Variants in DNER observed in about 807,000 individuals in gnomAD.
DNER encodes delta/notch like EGF repeat containing.
DNER carries 33 observed loss-of-function variants against 78.2 expected under a neutral mutation model. The observed-to-expected ratio is 0.42, with a 90% confidence interval of 0.32 to 0.56. DNER has a LOEUF of 0.56. DNER is among the 20% of genes least tolerant of loss of function. The pLI, the probability that DNER is intolerant of heterozygous loss-of-function variation, is 0.11. For missense variants in DNER, 918 were observed against 975.3 expected (o/e 0.94, Z 0.78); for synonymous variants, 417 against 384.8 (o/e 1.08, Z -0.98).
intron 7 of DNER, among the ~76,000 whole-genome samples, chr2:229,450,295 C>T (rs1466606469): frequency 6.6e-6 from 1 of 151,792 alleles, no homozygotes; most frequent in African/African-American, 2.4e-5. Context: ...TAGGGAGGGT[C>T]AAAGATAAGA....
chr2:229,474,094 C>T (rs1694983748), intron 7 of DNER, among the ~76,000 whole-genome samples: 1 of 152,034 alleles, frequency 6.6e-6, no homozygotes, highest in African/African-American at 2.4e-5. Flanking sequence ...TTAGTAGAGA[C>T]AGGGTTTTGC....
At chr2:229,393,421 G>A (rs151021576) in intron 10 of DNER, among the ~76,000 whole-genome samples, 5,668 of 150,986 alleles carry the variant, frequency 0.038, 307 homozygotes, top group African/African-American at 0.13. Flanking sequence ...GTGAGACTCC[G>A]TCTCAAAAAA....
chr2:229,660,239 C>T (rs1698986831), intron 1 of DNER, among the ~76,000 whole-genome samples: 1 of 151,986 alleles, frequency 6.6e-6, no homozygotes, highest in Admixed American at 6.6e-5. Context: ...AAGACTAGCA[C>T]CCATTAGTTA....
chr2:229,504,287 T>C (rs1465100912), intron 6 of DNER, among the ~76,000 whole-genome samples: 2 of 152,202 alleles, frequency 1.3e-5, no homozygotes, highest in East Asian at 3.9e-4. Context: ...TGGTGTGATC[T>C]TGGCTCACTG....
intron 1 of DNER, among the ~76,000 whole-genome samples, chr2:229,638,272 A>C (rs548380939): frequency 2.0e-5 from 3 of 152,324 alleles, no homozygotes; most frequent in African/African-American, 7.2e-5. Context: ...CCATTTTTTA[A>C]AAGAATGAGT....
intron 4 of DNER, among the ~76,000 whole-genome samples, chr2:229,571,738 C>G (rs1273115476): frequency 6.6e-6 from 1 of 152,120 alleles, no homozygotes; most frequent in Non-Finnish European, 1.5e-5. Flanking sequence ...GAGACCTCCC[C>G]CCCTGAAACC....
chr2:229,474,117 G>A (rs1574859213), intron 7 of DNER, among the ~76,000 whole-genome samples: 1 of 152,122 alleles, frequency 6.6e-6, no homozygotes. Flanking sequence ...TGTTGGTCAG[G>A]CTGGTCTTGT....
At chr2:229,509,162 C>G (rs1023522077) in intron 6 of DNER, among the ~76,000 whole-genome samples, 4 of 152,072 alleles carry the variant, frequency 2.6e-5, no homozygotes, top group African/African-American at 9.7e-5. Context: ...CAATTCTGTG[C>G]ACATAAAATC....
At chr2:229,507,035 T>C (rs566875335) in intron 6 of DNER, among the ~76,000 whole-genome samples, 1 of 152,278 alleles carries the variant, frequency 6.6e-6, no homozygotes, top group African/African-American at 2.4e-5. Context: ...AGGCTACAAA[T>C]CTGTACAGCA....
intron 1 of DNER, among the ~76,000 whole-genome samples, chr2:229,700,003 C>T (rs140486016): frequency 6.6e-6 from 1 of 151,304 alleles, no homozygotes; most frequent in African/African-American, 2.4e-5. Flanking sequence ...CAAGCCATTA[C>T]GAATCAATGT....
At chr2:229,680,869 A>T (rs999044210) in intron 1 of DNER, among the ~76,000 whole-genome samples, 1 of 152,240 alleles carries the variant, frequency 6.6e-6, no homozygotes, top group Non-Finnish European at 1.5e-5. Context: ...CAATCAACTG[A>T]TACTTTTTTA....
chr2:229,455,603 C>G (rs911716772), intron 7 of DNER, among the ~76,000 whole-genome samples: 1 of 152,000 alleles, frequency 6.6e-6, no homozygotes, highest in African/African-American at 2.4e-5. Flanking sequence ...TCTAAACACA[C>G]GAACAGTTAC....
At chr2:229,364,832 GTCTC>G (rs1233597013) in intron 12 of DNER, among the ~76,000 whole-genome samples, 1 of 142,154 alleles carries the variant, frequency 7.0e-6, no homozygotes. Flanking sequence ...GTTTTCTCAT[GTCTC>G]TCTCTCTCTT....
At chr2:229,642,303 C>A (rs1173922467) in intron 1 of DNER, among the ~76,000 whole-genome samples, 1 of 152,132 alleles carries the variant, frequency 6.6e-6, no homozygotes, top group Non-Finnish European at 1.5e-5. Context: ...ACCCGAGAAA[C>A]AATTCACCTG....
chr2:229,713,823 G>A (rs902690564), intron 1 of DNER, among the ~76,000 whole-genome samples: 1 of 152,116 alleles, frequency 6.6e-6, no homozygotes, highest in Non-Finnish European at 1.5e-5. Context: ...CGCTCAAGTG[G>A]TTCTTGGCTC....
intron 4 of DNER, among the ~76,000 whole-genome samples, chr2:229,566,660 C>A (rs918127965): frequency 6.6e-6 from 1 of 152,106 alleles, no homozygotes; most frequent in Non-Finnish European, 1.5e-5. Context: ...GAAAGGTCTT[C>A]GGCACCCAGC....
At chr2:229,678,394 A>G (rs1439030361) in intron 1 of DNER, among the ~76,000 whole-genome samples, 2 of 152,186 alleles carry the variant, frequency 1.3e-5, no homozygotes, top group Non-Finnish European at 2.9e-5. Context: ...AGGAAGGCAA[A>G]TTGCATCTAG....
chr2:229,616,342 A>ACAT (rs1171773889), intron 1 of DNER, among the ~76,000 whole-genome samples: 1 of 151,172 alleles, frequency 6.6e-6, no homozygotes, highest in Non-Finnish European at 1.5e-5. Context: ...TGGAGCAAAT[A>ACAT]CATCATTTAC....
chr2:229,470,373 CT>C (rs1559360297), intron 7 of DNER, among the ~76,000 whole-genome samples: 1 of 152,076 alleles, frequency 6.6e-6, no homozygotes, highest in African/African-American at 2.4e-5. Context: ...GAAGAGGGTC[CT>C]GGTCATTCAC....
Sources: allele counts gnomAD v4.1 joint callset (sites outside exome capture counted in the v4.1 genomes callset), GRCh38; gene constraint gnomAD v4.1.1; transcripts MANE v1.5; gene names NCBI Gene and HGNC (gene_info 2026-07-23, HGNC 2026-07-21).